The following LRRIQ3 variants were observed in gnomAD, a reference collection of about 807,000 sequenced individuals.
The protein encoded by LRRIQ3 is leucine-rich repeat and IQ domain-containing protein 3.
Under a neutral mutation model 59.3 loss-of-function variants are expected in LRRIQ3, and 75 were observed. The observed-to-expected ratio is 1.26, with a 90% CI of 1.05 to 1.53. The LOEUF (loss-of-function observed/expected upper bound fraction) is 1.53. LRRIQ3 is among the 40% of genes most tolerant of loss of function. LRRIQ3 has a pLI of 0.00. For synonymous variants in LRRIQ3, 250 were observed against 231.3 expected, an observed-to-expected ratio of 1.08 and a Z score of -0.73; for missense variants, 831 against 710.0, an observed-to-expected ratio of 1.17 and a Z score of -1.94.
intron 5 of LRRIQ3, among the ~76,000 whole-genome samples, chr1:74,107,957 GA>G (rs1400374697): frequency 2.0e-5 from 3 of 151,436 alleles, no homozygotes; most frequent in Admixed American, 1.3e-4. Flanking sequence ...AATTTATCTT[GA>G]AAAAACTTCA....
intron 3 of LRRIQ3, among the ~76,000 whole-genome samples, chr1:74,156,326 GA>G: frequency 6.6e-6 from 1 of 152,128 alleles, no homozygotes; most frequent in African/African-American, 2.4e-5. Context: ...ATACCCTATA[GA>G]AACATGAGCC....
chr1:74,150,327 A>T (rs1647849399), intron 4 of LRRIQ3, among the ~76,000 whole-genome samples: 1 of 152,182 alleles, frequency 6.6e-6, no homozygotes, highest in South Asian at 2.1e-4. Context: ...AGTTTAAGCC[A>T]AGATATTGGG....
intron 4 of LRRIQ3, among the ~76,000 whole-genome samples, chr1:74,109,857 T>A (rs892173009): frequency 1.3e-5 from 2 of 151,810 alleles, no homozygotes; most frequent in African/African-American, 4.8e-5. Flanking sequence ...AAATTATCTA[T>A]AGAAACATAA....
At chr1:74,170,193 T>C (rs932001329) in intron 3 of LRRIQ3, among the ~76,000 whole-genome samples, 1 of 152,208 alleles carries the variant, frequency 6.6e-6, no homozygotes, top group Non-Finnish European at 1.5e-5. Flanking sequence ...GTAGTCTTAA[T>C]GGACTGTTTT....
intron 4 of LRRIQ3, among the ~76,000 whole-genome samples, chr1:74,154,322 T>C (rs1648192822): frequency 6.8e-6 from 1 of 147,840 alleles, no homozygotes; most frequent in South Asian, 2.1e-4. Flanking sequence ...ATTATATTGA[T>C]CATCTCAATT....
At chr1:74,050,429 G>A in intron 6 of LRRIQ3, 2 of 717,692 alleles carry the variant, frequency 2.8e-6, no homozygotes, top group Non-Finnish European at 3.4e-6. Flanking sequence ...CAAAACAACT[G>A]GATCATATCA....
intron 5 of LRRIQ3, among the ~76,000 whole-genome samples, chr1:74,085,191 A>G (rs1282932037): frequency 2.6e-5 from 4 of 151,824 alleles, no homozygotes; most frequent in Non-Finnish European, 5.9e-5. Flanking sequence ...TATGTGATTT[A>G]TAAGTTGTAA....
At chr1:74,197,904 T>G in intron 1 of LRRIQ3, 92 bp downstream of exon 1, 1 of 272,630 alleles carries the variant, frequency 3.7e-6, no homozygotes, top group Non-Finnish European at 7.0e-6. Context: ...CGAACCGCCT[T>G]TGATGTGAAA....
chr1:74,188,969 T>G (rs1301386117), intron 1 of LRRIQ3, among the ~76,000 whole-genome samples: 1 of 152,188 alleles, frequency 6.6e-6, no homozygotes, highest in African/African-American at 2.4e-5. Context: ...ACTCCAAAAT[T>G]TATTGGCTTA....
At chr1:74,038,541 C>T (rs927591811) in intron 7 of LRRIQ3, among the ~76,000 whole-genome samples, 2 of 152,140 alleles carry the variant, frequency 1.3e-5, no homozygotes, top group South Asian at 4.1e-4. Flanking sequence ...GTCAGACACC[C>T]TATACATGAG....
At chr1:74,108,105 A>T (rs573565212) in intron 5 of LRRIQ3, among the ~76,000 whole-genome samples, 89 of 151,934 alleles carry the variant, frequency 5.9e-4, no homozygotes, top group African/African-American at 2.1e-3. Flanking sequence ...CAAAATATAT[A>T]CACAAAATAT....
At chr1:74,044,567 A>G (rs1489607082) in intron 6 of LRRIQ3, among the ~76,000 whole-genome samples, 1 of 152,298 alleles carries the variant, frequency 6.6e-6, no homozygotes, top group East Asian at 1.9e-4. Context: ...TAGAGAAGAA[A>G]GAGCAAACAA....
At chr1:74,040,573 G>A (rs975740320) in intron 7 of LRRIQ3, among the ~76,000 whole-genome samples, 1 of 152,120 alleles carries the variant, frequency 6.6e-6, no homozygotes, top group Non-Finnish European at 1.5e-5. Flanking sequence ...CAAAAGAACT[G>A]AAATCATAGC....
intron 7 of LRRIQ3, among the ~76,000 whole-genome samples, chr1:74,040,284 C>T (rs1654003824): frequency 6.6e-6 from 1 of 152,126 alleles, no homozygotes; most frequent in Non-Finnish European, 1.5e-5. Flanking sequence ...CACCTGGATC[C>T]ATAAAACAAG....
intron 3 of LRRIQ3, among the ~76,000 whole-genome samples, chr1:74,174,163 T>C (rs1007409302): frequency 1.3e-5 from 2 of 152,108 alleles, no homozygotes; most frequent in African/African-American, 4.8e-5. Flanking sequence ...CGTTATATTG[T>C]TTTACTTGAT....
intron 5 of LRRIQ3, among the ~76,000 whole-genome samples, chr1:74,079,694 C>G (rs1177326807): frequency 6.6e-6 from 1 of 151,682 alleles, no homozygotes; most frequent in African/African-American, 2.4e-5. Flanking sequence ...AATAAATACT[C>G]AATAATTATT....
chr1:74,163,211 T>C (rs1045398931), intron 3 of LRRIQ3, among the ~76,000 whole-genome samples: 3 of 151,578 alleles, frequency 2.0e-5, no homozygotes, highest in African/African-American at 7.2e-5. Context: ...TAAGTGTTTA[T>C]TTCAAATAAA....
chr1:74,076,767 T>A (rs1310275131), intron 5 of LRRIQ3, among the ~76,000 whole-genome samples: 2 of 152,106 alleles, frequency 1.3e-5, no homozygotes, highest in Non-Finnish European at 2.9e-5. Flanking sequence ...GGGTAAGGGC[T>A]TTTTAATGCT....
intron 3 of LRRIQ3, among the ~76,000 whole-genome samples, chr1:74,172,524 T>C (rs1328877445): frequency 6.6e-6 from 1 of 152,198 alleles, no homozygotes; most frequent in African/African-American, 2.4e-5. Context: ...AAGAAGGTTC[T>C]GTGTGTGCTT....
Sources: gnomAD v4.1 joint callset for allele counts (sites outside exome capture counted in the v4.1 genomes callset) on GRCh38, gnomAD v4.1.1 for gene constraint, MANE v1.5 for transcripts, NCBI Gene and HGNC (gene_info 2026-07-23, HGNC 2026-07-21) for gene names.